Variants in ATF1 observed in about 807,000 individuals in gnomAD.
ATF1 encodes cyclic AMP-dependent transcription factor ATF-1.
In ATF1, 16 loss-of-function variants were observed where a neutral mutation model predicts 34.7. The ratio of observed to expected loss-of-function variants is 0.46; its 90% confidence interval spans 0.31 to 0.70. The LOEUF is 0.70. Ranked by LOEUF, ATF1 falls within the 30% of genes least tolerant of loss-of-function variation. The pLI is 0.05. For missense variants in ATF1, 255 were observed against 321.6 expected (o/e 0.79, Z 1.58); for synonymous variants, 105 against 113.1 (o/e 0.93, Z 0.46).
chr12:50,772,158 C>G (rs1034110119), intron 1 of ATF1, among the ~76,000 whole-genome samples: 1 of 152,050 alleles, frequency 6.6e-6, no homozygotes, highest in Non-Finnish European at 1.5e-5. Context: ...GTAACAATAG[C>G]GTCTCACTGT....
intron 1 of ATF1, chr12:50,775,728 C>T (rs1434269823): frequency 6.6e-6 from 1 of 152,188 alleles, no homozygotes; most frequent in Non-Finnish European, 1.5e-5. Flanking sequence ...TTTATAGTTT[C>T]AGTGCTTTAG....
chr12:50,785,027 C>T (rs1941152137), intron 2 of ATF1, among the ~76,000 whole-genome samples: 1 of 150,878 alleles, frequency 6.6e-6, no homozygotes, highest in Non-Finnish European at 1.5e-5. Flanking sequence ...AGGTATATCT[C>T]CTAATGCTAT....
rs2230674 is a variant in ATF1, at chr12:50,814,339, C to G, written c.571C>G (p.Pro191Ala). 0.031 allele frequency: 49,690 copies of G among 1,614,110 alleles called. 909 individuals carry two copies. The highest frequency in any genetic ancestry group is 0.036 in the Non-Finnish European group (43,016 of 1,179,980). ...AACTACACCTTCAGCTACTTCTCTG[C>G]CACAAACTGTGGTGATGACATCTCC... ...IRTTPSATSL[P>A]QTVVMTSPVT... The change falls in exon 6 of 7, where the codon CCA (proline) becomes GCA (alanine). Residue 191 changes from proline to alanine, a missense_variant. By Grantham distance (27) the Pro-to-Ala change is conservative (BLOSUM62 -1). Around this residue, in one of 2 missense-constraint regions of ATF1, gnomAD observed 221 missense variants for 250.7 expected, o/e 0.88. Transcript: ENST00000262053.
intron 6 of ATF1, among the ~76,000 whole-genome samples, chr12:50,814,820 C>A (rs990893762): frequency 5.0e-5 from 7 of 140,600 alleles, no homozygotes; most frequent in African/African-American, 1.8e-4. Context: ...ATACCTTCTA[C>A]TTTTTTTTTT....
chr12:50,786,158 AATTT>A (rs1941181686), intron 2 of ATF1, among the ~76,000 whole-genome samples: 1 of 152,154 alleles, frequency 6.6e-6, no homozygotes, highest in African/African-American at 2.4e-5. Context: ...TAGAAATCTA[AATTT>A]AGGAGTTGTG....
chr12:50,769,932 A>G (rs1940731730), intron 1 of ATF1, among the ~76,000 whole-genome samples: 2 of 152,248 alleles, frequency 1.3e-5, no homozygotes, highest in Non-Finnish European at 2.9e-5. Context: ...GTTCATGAAT[A>G]TCAAATGAAA....
rs1941940454 is a variant in ATF1 at position 50,821,093 on chromosome 12, G to A, written c.*1314G>A. 1 of 178,396 alleles carries A rather than the reference G, an allele frequency of 5.6e-6. No homozygotes were observed. The highest frequency in any genetic ancestry group is 6.3e-5 in the Admixed American group (1 of 15,848). The allele number at this position is 178,396 out of a possible 1,614,324, so 11.1% of individuals were successfully genotyped here. A position where few individuals can be genotyped will look rare whatever the true frequency, so the allele number is the denominator to read the frequency against. ...CTTACACAGTATGCATCATATTGTT[G>A]TCTGTGAAATTAAAGGACATTTGAT... is the stretch of plus-strand genomic sequence containing the variant. On this transcript the variant is annotated 3_prime_UTR_variant, in exon 7 of 7. Transcript: ENST00000262053.
intron 2 of ATF1, among the ~76,000 whole-genome samples, chr12:50,784,573 G>A (rs1941143151): frequency 1.3e-5 from 2 of 152,140 alleles, no homozygotes; most frequent in South Asian, 4.1e-4. Context: ...AGGGGAGAGT[G>A]CCAGATAATG....
chr12:50,807,246 AAAT>A (rs1049403359), intron 3 of ATF1, among the ~76,000 whole-genome samples: 1 of 151,772 alleles, frequency 6.6e-6, no homozygotes, highest in Non-Finnish European at 1.5e-5. Context: ...TCTACTAAAA[AAAT>A]AAAAAATTAG....
At chr12:50,812,897 G>A (rs1941766270) in intron 4 of ATF1, among the ~76,000 whole-genome samples, 1 of 152,058 alleles carries the variant, frequency 6.6e-6, no homozygotes, top group Non-Finnish European at 1.5e-5. Context: ...TAAAGTTGGG[G>A]CAGTTGGGGA....
At chr12:50,767,445 G>A (rs1421587979) in intron 1 of ATF1, among the ~76,000 whole-genome samples, 1 of 152,152 alleles carries the variant, frequency 6.6e-6, no homozygotes, top group Admixed American at 6.5e-5. Context: ...ACTTGAACCC[G>A]GGAGGCGGAG....
intron 1 of ATF1, among the ~76,000 whole-genome samples, chr12:50,779,550 C>CTTT (rs199952392): frequency 7.2e-6 from 1 of 139,514 alleles, no homozygotes; most frequent in Admixed American, 7.2e-5. Flanking sequence ...AGCCCTCTCT[C>CTTT]TTTTTTTTTT....
intron 3 of ATF1, among the ~76,000 whole-genome samples, chr12:50,809,210 CT>C (rs1408948888): frequency 3.3e-5 from 5 of 151,860 alleles, no homozygotes; most frequent in Admixed American, 3.3e-4. Context: ...CCCGTGTCTA[CT>C]GAAAATACAA....
At chr12:50,784,111 C>T (rs1022333924) in intron 2 of ATF1, among the ~76,000 whole-genome samples, 1 of 151,622 alleles carries the variant, frequency 6.6e-6, no homozygotes, top group Non-Finnish European at 1.5e-5. Context: ...TGCAGTGAGC[C>T]GTGATTGCAC....
intron 3 of ATF1, among the ~76,000 whole-genome samples, chr12:50,797,010 T>C (rs990575010): frequency 5.3e-5 from 8 of 152,096 alleles, no homozygotes; most frequent in East Asian, 1.9e-4. Context: ...AAACCACTTA[T>C]CTGATAAGGG....
intron 2 of ATF1, among the ~76,000 whole-genome samples, chr12:50,785,148 G>A (rs1003916548): frequency 1.3e-5 from 2 of 150,218 alleles, no homozygotes; most frequent in African/African-American, 2.5e-5. Context: ...TGACCCGGGC[G>A]TGGTAGTGCA....
Position 50,773,805 on chromosome 12 carries a change from G to T in ATF1, c.-6-6335G>T, listed in dbSNP as rs188348922. On this transcript the variant is annotated intron_variant, in intron 1 of 6. Transcript: ENST00000262053. ...GGGTTTTGCCATATTGGCCAGGCTG[G>T]TCTCAAGCTCCTGACCTCAAGTGAT... Among the ~76,000 whole-genome samples, 208 of 152,048 alleles carry T rather than the reference G, an allele frequency of 1.4e-3. 2 individuals are homozygous for T. Among genetic ancestry groups the T allele is most frequent in the African/African-American group, 4.8e-3 (200 of 41,484 alleles).
chr12:50,799,550 A>G (rs920955631), intron 3 of ATF1, among the ~76,000 whole-genome samples: 3 of 152,220 alleles, frequency 2.0e-5, no homozygotes, highest in South Asian at 4.1e-4. Flanking sequence ...CAACTCCTAG[A>G]TGATACAAAT....
At chr12:50,814,988 G>A (rs1941813586) in intron 6 of ATF1, among the ~76,000 whole-genome samples, 1 of 151,980 alleles carries the variant, frequency 6.6e-6, no homozygotes, top group South Asian at 2.1e-4. Context: ...TGGGCGTGGT[G>A]GCGGGCGCCT....
Sources: gnomAD v4.1 joint callset for allele counts (sites outside exome capture counted in the v4.1 genomes callset) on GRCh38, gnomAD v4.1.1 for gene constraint, gnomAD v4.1.1 regional missense constraint, MANE v1.5 for transcripts, NCBI Gene and HGNC (gene_info 2026-07-23, HGNC 2026-07-21) for gene names.